Variants in MOB1B observed in about 807,000 individuals in gnomAD.
The protein encoded by MOB1B is MOB kinase activator 1B, also known as MOB1 Mps One Binder homolog B.
In MOB1B, 19 loss-of-function variants were observed where a neutral mutation model predicts 24.4. That is an observed-to-expected ratio of 0.78 (90% CI 0.54 to 1.14). The LOEUF is 1.14. Ranked by LOEUF, MOB1B falls within the 50% of genes most tolerant of loss-of-function variation. The pLI, the probability that MOB1B is intolerant of heterozygous loss-of-function variation, is 0.00. For synonymous variants in MOB1B, 76 were observed against 82.1 expected (o/e 0.93, Z 0.40); for missense variants, 243 against 259.6 (o/e 0.94, Z 0.44).
At chr4:70,929,645 T>TG (rs1736799563) in intron 1 of MOB1B, among the ~76,000 whole-genome samples, 1 of 149,978 alleles carries the variant, frequency 6.7e-6, no homozygotes, top group Admixed American at 6.7e-5. Flanking sequence ...CACACCAAGC[T>TG]AATTTTTTTT....
intron 1 of MOB1B, among the ~76,000 whole-genome samples, chr4:70,940,965 G>T (rs1187452175): frequency 1.3e-5 from 2 of 152,138 alleles, no homozygotes; most frequent in Admixed American, 6.5e-5. Context: ...GAGCCACCAC[G>T]CCCGGCCCGG....
chr4:70,957,592 C>T (rs1738119678), intron 1 of MOB1B, among the ~76,000 whole-genome samples: 1 of 151,938 alleles, frequency 6.6e-6, no homozygotes, highest in South Asian at 2.1e-4. Flanking sequence ...GCTGCACCAT[C>T]ACACCTGGCT....
chr4:70,981,185 G>C (rs1175710648), intron 5 of MOB1B, among the ~76,000 whole-genome samples: 1 of 152,094 alleles, frequency 6.6e-6, no homozygotes, highest in East Asian at 1.9e-4. Flanking sequence ...TACAAATCTT[G>C]GGCTTGGTCC....
intron 1 of MOB1B, among the ~76,000 whole-genome samples, chr4:70,933,847 G>T (rs948865768): frequency 1.3e-5 from 2 of 151,898 alleles, no homozygotes; most frequent in Non-Finnish European, 2.9e-5. Flanking sequence ...ACTGTGCCTG[G>T]CCAATTATTG....
chr4:70,957,997 C>T (rs1738139726), intron 1 of MOB1B, among the ~76,000 whole-genome samples: 2 of 151,866 alleles, frequency 1.3e-5, no homozygotes, highest in Non-Finnish European at 2.9e-5. Context: ...TACACATAGG[C>T]TGTGTGTGTT....
chr4:70,984,445 G>A lies in MOB1B; in HGVS notation c.*2388G>A, dbSNP rs1481112778. ...TGCCCTTTTAAATATAAGGATCAGTGCTTTGTTCTGCAGCAGAGTTTGCTG... is the reference window on the plus strand; with the variant it reads ...TGCCCTTTTAAATATAAGGATCAGTACTTTGTTCTGCAGCAGAGTTTGCTG... On this transcript the variant is annotated 3_prime_UTR_variant, in exon 6 of 6. Transcript: ENST00000309395. 6.6e-6 allele frequency: 1 copy of A among 152,128 alleles called. No homozygotes were observed. Among genetic ancestry groups the A allele is most frequent in the Non-Finnish European group, 1.5e-5 (1 of 68,004 alleles). 9.4% of individuals were successfully genotyped at this position (152,128 alleles called of 1,614,324 possible).
chr4:70,945,805 A>T (rs1016505114), intron 1 of MOB1B, among the ~76,000 whole-genome samples: 3 of 152,206 alleles, frequency 2.0e-5, no homozygotes, highest in African/African-American at 7.2e-5. Flanking sequence ...GATATCAGGG[A>T]AGCTTCCTGA....
At chr4:70,927,896 C>T (rs916174063) in intron 1 of MOB1B, among the ~76,000 whole-genome samples, 12 of 152,180 alleles carry the variant, frequency 7.9e-5, no homozygotes, top group East Asian at 7.7e-4. Flanking sequence ...CAGCCTCATC[C>T]GTGCCTTCCT....
intron 1 of MOB1B, among the ~76,000 whole-genome samples, chr4:70,912,648 T>C (rs1736038217): frequency 6.6e-6 from 1 of 152,194 alleles, no homozygotes; most frequent in Admixed American, 6.6e-5. Context: ...AACTTCCACA[T>C]ATTCCTTATC....
At position 70,987,021 on chromosome 4, in the gene MOB1B, T is replaced by C. The variant is rs1297023943; in HGVS notation, c.*4964T>C. On this transcript the variant is annotated 3_prime_UTR_variant, in exon 6 of 6. Coordinates refer to ENST00000309395, the MANE Select transcript of MOB1B (RefSeq NM_173468.4). ...AACTAAATAATTGAAAAATATGGGC[T>C]ATAGTTCTCAAAGGTAGATAGTAAA... 6.6e-6 allele frequency: 1 copy of C among 152,182 alleles called. No homozygotes were observed. The highest frequency in any genetic ancestry group is 1.5e-5 in the Non-Finnish European group (1 of 67,992). The allele number at this position is 152,182 out of a possible 1,614,324, so 9.4% of individuals were successfully genotyped here. A position where few individuals can be genotyped will look rare whatever the true frequency, so the allele number is the denominator to read the frequency against.
At chr4:70,960,770 GA>G (rs1472360764) in intron 2 of MOB1B, among the ~76,000 whole-genome samples, 3 of 152,222 alleles carry the variant, frequency 2.0e-5, no homozygotes, top group African/African-American at 4.8e-5. Context: ...TATTCAGAAT[GA>G]ATCTCCAATA....
chr4:70,906,745 A>G (rs1163948994), intron 1 of MOB1B, among the ~76,000 whole-genome samples: 1 of 152,110 alleles, frequency 6.6e-6, no homozygotes, highest in African/African-American at 2.4e-5. Flanking sequence ...GCCTCTGTGT[A>G]TCTTCAGATT....
intron 4 of MOB1B, chr4:70,975,495 T>C: frequency 7.9e-7 from 1 of 1,258,032 alleles, no homozygotes. Context: ...ATTGAGCTTT[T>C]CCCCTTTAAC....
chr4:70,913,740 A>G (rs1005446426), intron 1 of MOB1B, among the ~76,000 whole-genome samples: 2 of 152,142 alleles, frequency 1.3e-5, no homozygotes, highest in East Asian at 1.9e-4. Context: ...AATATTTTAT[A>G]GGGAGATATT....
At chr4:70,902,910 G>A (rs1241083563) in intron 1 of MOB1B, among the ~76,000 whole-genome samples, 2 of 152,294 alleles carry the variant, frequency 1.3e-5, no homozygotes, top group East Asian at 3.9e-4. Context: ...TGCACAATCC[G>A]TATCCAAGCG....
At chr4:70,973,469 CAAAAAAAAAA>C (rs528813623) in intron 3 of MOB1B, among the ~76,000 whole-genome samples, 1 of 49,424 alleles carries the variant, frequency 2.0e-5, no homozygotes, top group Admixed American at 2.1e-4. Flanking sequence ...GACCCTGTCT[CAAAAAAAAAA>C]AAAAAAAAAA....
chr4:70,947,417 C>G (rs1008049277), intron 1 of MOB1B, among the ~76,000 whole-genome samples: 3 of 151,872 alleles, frequency 2.0e-5, no homozygotes, highest in Non-Finnish European at 2.9e-5. Context: ...CTACAGACAT[C>G]ACATCCCTGG....
intron 1 of MOB1B, among the ~76,000 whole-genome samples, chr4:70,944,139 A>G (rs1737474075): frequency 6.6e-6 from 1 of 151,878 alleles, no homozygotes; most frequent in Non-Finnish European, 1.5e-5. Flanking sequence ...GGTTCAAGTG[A>G]TTCTCCTGCC....
intron 1 of MOB1B, among the ~76,000 whole-genome samples, chr4:70,911,144 A>C (rs1438840300): frequency 1.3e-5 from 2 of 152,110 alleles, no homozygotes; most frequent in Non-Finnish European, 2.9e-5. Context: ...AAATATACAA[A>C]TGGATTTCCA....
Sources: gnomAD v4.1 joint callset for allele counts (sites outside exome capture counted in the v4.1 genomes callset) on GRCh38, gnomAD v4.1.1 for gene constraint, MANE v1.5 for transcripts, NCBI Gene and HGNC (gene_info 2026-07-23, HGNC 2026-07-21) for gene names.